The following BMPR1B variants were observed in gnomAD, a reference collection of about 807,000 sequenced individuals.
The protein encoded by BMPR1B is bone morphogenetic protein receptor type 1B.
BMPR1B carries 12 observed loss-of-function variants against 59.1 expected under a neutral mutation model. That is an observed-to-expected ratio of 0.20 (90% CI 0.13 to 0.33). The LOEUF (loss-of-function observed/expected upper bound fraction) is 0.33. BMPR1B is among the 10% of genes least tolerant of loss of function. The pLI, the probability that BMPR1B is intolerant of heterozygous loss-of-function variation, is 1.00. For missense variants in BMPR1B, 550 were observed against 610.9 expected (o/e 0.90, Z 1.05); for synonymous variants, 237 against 207.3 (o/e 1.14, Z -1.23).
chr4:95,148,266 A>G (rs1270295579), intron 10 of BMPR1B, among the ~76,000 whole-genome samples: 2 of 152,176 alleles, frequency 1.3e-5, no homozygotes, highest in African/African-American at 4.8e-5. Flanking sequence ...TTTAAGAGTA[A>G]AGTTTTTAAA....
intron 1 of BMPR1B, among the ~76,000 whole-genome samples, chr4:94,809,878 A>G (rs1254658780): frequency 2.0e-5 from 3 of 152,230 alleles, no homozygotes; most frequent in Admixed American, 2.0e-4. Flanking sequence ...TACCCTGAGG[A>G]GAGGCCTTAG....
chr4:94,892,907 A>G (rs1311522503), intron 2 of BMPR1B, among the ~76,000 whole-genome samples: 1 of 152,068 alleles, frequency 6.6e-6, no homozygotes, highest in Non-Finnish European at 1.5e-5. Context: ...CGAACTTTGG[A>G]GTTCAGTTTG....
intron 2 of BMPR1B, among the ~76,000 whole-genome samples, chr4:94,922,176 T>C (rs1578805313): frequency 1.3e-5 from 2 of 152,176 alleles, no homozygotes; most frequent in South Asian, 2.1e-4. Flanking sequence ...AGTCTTCCAG[T>C]GTTGCCCCAT....
intron 2 of BMPR1B, among the ~76,000 whole-genome samples, chr4:94,925,376 C>A (rs1200794572): frequency 6.6e-6 from 1 of 152,008 alleles, no homozygotes; most frequent in Non-Finnish European, 1.5e-5. Flanking sequence ...AATTCTGAGG[C>A]AATACACAGG....
chr4:95,127,814 A>T (rs1233602971), intron 8 of BMPR1B, among the ~76,000 whole-genome samples: 1 of 151,890 alleles, frequency 6.6e-6, no homozygotes, highest in East Asian at 1.9e-4. Context: ...ATAAATTACG[A>T]AATTTATAAT....
chr4:94,979,521 T>C (rs532933978), intron 2 of BMPR1B, among the ~76,000 whole-genome samples: 1 of 152,322 alleles, frequency 6.6e-6, no homozygotes, highest in Non-Finnish European at 1.5e-5. Flanking sequence ...GCAGAATTTT[T>C]AAGTGGCAAT....
intron 2 of BMPR1B, among the ~76,000 whole-genome samples, chr4:94,934,803 A>G (rs1729228105): frequency 6.6e-6 from 1 of 152,094 alleles, no homozygotes; most frequent in Non-Finnish European, 1.5e-5. Context: ...ATACTTCAAG[A>G]TTCTGTGTGC....
rs187913137 is a variant in BMPR1B at position 95,058,903 on chromosome 4, G to A, written c.-17-45505G>A. 3.1e-3 allele frequency among the ~76,000 whole-genome samples: 470 copies of A among 152,148 alleles called. 1 individual carries two copies. The highest frequency in any genetic ancestry group is 0.011 in the African/African-American group (441 of 41,502). On this transcript the variant is annotated intron_variant, in intron 3 of 12. Coordinates refer to ENST00000515059, the MANE Select transcript of BMPR1B (RefSeq NM_001203.3). ...TAATGATTATGCACTTTTTTATGGC[G>A]CTGAATCTCAACTGAATATTTGTCT... is the stretch of plus-strand genomic sequence containing the variant.
intron 9 of BMPR1B, among the ~76,000 whole-genome samples, chr4:95,130,431 A>T (rs2149300429): frequency 6.6e-6 from 1 of 152,262 alleles, no homozygotes; most frequent in African/African-American, 2.4e-5. Context: ...AATAGTTTAT[A>T]TTGAGAATTG....
intron 1 of BMPR1B, among the ~76,000 whole-genome samples, chr4:94,864,324 G>A (rs1726118028): frequency 6.6e-6 from 1 of 152,104 alleles, no homozygotes; most frequent in Admixed American, 6.5e-5. Flanking sequence ...GGTAGCAGGA[G>A]AGAGATGTCA....
chr4:94,908,944 T>A (rs1728172039), intron 2 of BMPR1B, among the ~76,000 whole-genome samples: 1 of 152,078 alleles, frequency 6.6e-6, no homozygotes, highest in Non-Finnish European at 1.5e-5. Context: ...CTCACCATTC[T>A]GAAGACCAGA....
chr4:95,104,606 A>C (rs761337037), intron 4 of BMPR1B, 39 bp downstream of exon 4: 9 of 1,610,378 alleles, frequency 5.6e-6, no homozygotes, highest in Middle Eastern at 1.7e-4. Flanking sequence ...CTTTAACAAA[A>C]AGTCACACTT....
intron 8 of BMPR1B, among the ~76,000 whole-genome samples, chr4:95,128,446 G>A (rs1343726045): frequency 6.6e-6 from 1 of 152,126 alleles, no homozygotes. Flanking sequence ...TAGATGCTTA[G>A]CCCTTTCAAT....
intron 1 of BMPR1B, among the ~76,000 whole-genome samples, chr4:94,776,530 A>G (rs141285207): frequency 1.2e-4 from 18 of 152,344 alleles, no homozygotes; most frequent in Non-Finnish European, 1.8e-4. Context: ...CCTCCGTGGC[A>G]TTAGAAAATT....
intron 1 of BMPR1B, among the ~76,000 whole-genome samples, chr4:94,859,258 TTAA>T (rs1725886832): frequency 6.6e-6 from 1 of 152,150 alleles, no homozygotes; most frequent in Non-Finnish European, 1.5e-5. Context: ...CACGTTCTAG[TTAA>T]TAATTTTTTA....
chr4:94,824,958 A>G (rs1724331386), intron 1 of BMPR1B, among the ~76,000 whole-genome samples: 1 of 152,222 alleles, frequency 6.6e-6, no homozygotes, highest in Admixed American at 6.5e-5. Flanking sequence ...CATTAGGTAG[A>G]ACAATGTTGG....
At chr4:94,760,675 T>C (rs1340542452) in intron 1 of BMPR1B, among the ~76,000 whole-genome samples, 1 of 152,230 alleles carries the variant, frequency 6.6e-6, no homozygotes, top group African/African-American at 2.4e-5. Flanking sequence ...ACCTCTGTGC[T>C]GTATGGTTAC....
chr4:94,975,365 T>G (rs1035109902), intron 2 of BMPR1B, among the ~76,000 whole-genome samples: 1 of 127,646 alleles, frequency 7.8e-6, no homozygotes, highest in Non-Finnish European at 1.6e-5. Context: ...TTGTTTTTGT[T>G]TTTTTTTTTT....
At chr4:94,789,130 G>A (rs1013181537) in intron 1 of BMPR1B, among the ~76,000 whole-genome samples, 1 of 152,170 alleles carries the variant, frequency 6.6e-6, no homozygotes. Context: ...GTTAACACAT[G>A]CATATTAAAG....
Sources: allele counts gnomAD v4.1 joint callset (sites outside exome capture counted in the v4.1 genomes callset), GRCh38; gene constraint gnomAD v4.1.1; transcripts MANE v1.5; gene names NCBI Gene and HGNC (gene_info 2026-07-23, HGNC 2026-07-21).